GPR39: variants seen among roughly 807,000 people sequenced by gnomAD.
GPR39 encodes G protein-coupled receptor 39.
GPR39 carries 23 observed loss-of-function variants against 18.4 expected under a neutral mutation model. The observed-to-expected ratio is 1.25, with a 90% CI of 0.90 to 1.77. The LOEUF is 1.77. GPR39 is among the 40% of genes most tolerant of loss of function. GPR39 has a pLI of 0.00. For synonymous variants in GPR39, 280 were observed against 257.9 expected (o/e 1.09, Z -0.82); for missense variants, 647 against 602.4 (o/e 1.07, Z -0.78).
chr2:132,645,585 T>C lies in GPR39; in HGVS notation c.1341T>C (p.Gly447=). ...CAGCCAATTCTGCTGCAGAGAATGG[T>C]TTTCAGGAGCATGAAGTTTGAATGT... ...AKPANSAAEN[G]FQEHEV Residue 447 remains glycine, a synonymous_variant, in exon 2 of 2, where the codon GGT becomes GGC. Transcript: ENST00000329321. The C allele has an allele frequency of 6.2e-7, 1 of 1,612,240 alleles. No homozygotes were observed. The highest frequency in any genetic ancestry group is 8.5e-7 in the Non-Finnish European group (1 of 1,179,294).
intron 1 of GPR39, among the ~76,000 whole-genome samples, chr2:132,451,691 G>A (rs566883325): frequency 6.6e-6 from 1 of 151,930 alleles, no homozygotes; most frequent in African/African-American, 2.4e-5. Flanking sequence ...ATTTACCTTT[G>A]GGCTGTTAAA....
chr2:132,575,052 C>T (rs1388825685), intron 1 of GPR39, among the ~76,000 whole-genome samples: 1 of 151,902 alleles, frequency 6.6e-6, no homozygotes, highest in East Asian at 1.9e-4. Context: ...TTTTCATATT[C>T]CCTTTTTATA....
intron 1 of GPR39, among the ~76,000 whole-genome samples, chr2:132,545,759 G>A (rs1679937554): frequency 6.6e-6 from 1 of 151,610 alleles, no homozygotes; most frequent in Admixed American, 6.6e-5. Context: ...TTGCTAAAAG[G>A]CAGAATCAGA....
intron 1 of GPR39, among the ~76,000 whole-genome samples, chr2:132,537,665 CTT>C (rs1417965351): frequency 1.3e-5 from 2 of 152,104 alleles, no homozygotes. Flanking sequence ...TTCTCTCCAT[CTT>C]TTTCAGGTAC....
intron 1 of GPR39, among the ~76,000 whole-genome samples, chr2:132,459,358 T>C (rs1281817877): frequency 6.6e-6 from 1 of 152,232 alleles, no homozygotes; most frequent in African/African-American, 2.4e-5. Context: ...CCAACTCTCC[T>C]GATTCTCCAG....
intron 1 of GPR39, among the ~76,000 whole-genome samples, chr2:132,513,753 C>T (rs1427151542): frequency 6.6e-6 from 1 of 152,172 alleles, no homozygotes; most frequent in Non-Finnish European, 1.5e-5. Context: ...CTCTGGCCCC[C>T]CGAGTGGGAG....
At chr2:132,569,640 G>T (rs1238514206) in intron 1 of GPR39, among the ~76,000 whole-genome samples, 2 of 151,726 alleles carry the variant, frequency 1.3e-5, no homozygotes, top group African/African-American at 2.4e-5. Flanking sequence ...GGGGTGGGGG[G>T]GGTCCCATCG....
At chr2:132,478,990 G>A (rs779735637) in intron 1 of GPR39, among the ~76,000 whole-genome samples, 25 of 151,544 alleles carry the variant, frequency 1.6e-4, no homozygotes, top group Non-Finnish European at 2.9e-5. Context: ...GAATTAAGAT[G>A]AGTTTGGACG....
chr2:132,584,805 C>T lies in GPR39; in HGVS notation c.857-60296C>T, dbSNP rs534910358. The stretch of plus-strand genomic sequence containing the variant: ...TGTCTATTAGACGATTACCAGTGTT[C>T]GCTCCCCCAAACTGGAATAAGCCTC... On this transcript the variant is annotated intron_variant, in intron 1 of 1. Coordinates refer to ENST00000329321, the MANE Select transcript of GPR39 (RefSeq NM_001508.3). Among the ~76,000 whole-genome samples, 18 of 152,286 alleles carry T rather than the reference C, an allele frequency of 1.2e-4. 1 individual carries two copies. The South Asian group carries it at 1.2e-3, about 11-fold the overall frequency.
At chr2:132,503,523 T>C (rs1679083123) in intron 1 of GPR39, among the ~76,000 whole-genome samples, 1 of 152,180 alleles carries the variant, frequency 6.6e-6, no homozygotes, top group Non-Finnish European at 1.5e-5. Flanking sequence ...TTTTATTTAG[T>C]GCACTGGTTT....
chr2:132,521,808 TC>T (rs559912303), intron 1 of GPR39, among the ~76,000 whole-genome samples: 27 of 152,316 alleles, frequency 1.8e-4, no homozygotes, highest in African/African-American at 6.5e-4. Context: ...GCTCTCCAAT[TC>T]TTCATTTCCA....
chr2:132,545,298 A>G (rs976540735), intron 1 of GPR39, among the ~76,000 whole-genome samples: 1 of 152,306 alleles, frequency 6.6e-6, no homozygotes, highest in Admixed American at 6.5e-5. Flanking sequence ...CTTTCCAGAG[A>G]GGGTGAGAAA....
intron 1 of GPR39, among the ~76,000 whole-genome samples, chr2:132,504,217 T>G (rs1679097082): frequency 6.6e-6 from 1 of 152,196 alleles, no homozygotes; most frequent in African/African-American, 2.4e-5. Flanking sequence ...TGCAAGCTAG[T>G]CTTTCTTCCT....
At position 132,552,833 on chromosome 2, in the gene GPR39, C is replaced by CAT. The variant is rs57116386; in HGVS notation, c.857-92256_857-92255dup. 1.0e-3 allele frequency among the ~76,000 whole-genome samples: 140 copies of CAT among 139,892 alleles called. 1 individual carries two copies. Among genetic ancestry groups the CAT allele is most frequent in the African/African-American group, 3.2e-3 (123 of 37,882 alleles). 91.8% of individuals were successfully genotyped at this position (139,892 alleles called of 152,430 possible). A position where few individuals can be genotyped will look rare whatever the true frequency, so the allele number is the denominator to read the frequency against. ...GTGTGTGTGTGTATGTATATATATACATATATATATATACACACATATATA... is the reference window on the plus strand; with the variant it reads ...GTGTGTGTGTGTATGTATATATATACATATATATATATATACACACATATATA... On this transcript the variant is annotated intron_variant, in intron 1 of 1. Coordinates refer to ENST00000329321, the MANE Select transcript of GPR39 (RefSeq NM_001508.3).
At chr2:132,543,290 G>A (rs1290390785) in intron 1 of GPR39, among the ~76,000 whole-genome samples, 2 of 152,110 alleles carry the variant, frequency 1.3e-5, no homozygotes, top group Non-Finnish European at 2.9e-5. Context: ...GTGCTTTCAG[G>A]CCCTTAGACT....
At chr2:132,539,694 T>C (rs944313249) in intron 1 of GPR39, among the ~76,000 whole-genome samples, 3 of 152,146 alleles carry the variant, frequency 2.0e-5, no homozygotes, top group African/African-American at 7.2e-5. Context: ...CTCTGATCCA[T>C]GGGAACTTAG....
intron 1 of GPR39, among the ~76,000 whole-genome samples, chr2:132,516,654 G>C (rs1282818963): frequency 6.6e-6 from 1 of 152,128 alleles, no homozygotes; most frequent in African/African-American, 2.4e-5. Flanking sequence ...TGTACCTACA[G>C]TTACCTCCTA....
intron 1 of GPR39, among the ~76,000 whole-genome samples, chr2:132,624,864 G>A (rs188998315): frequency 5.6e-4 from 85 of 152,224 alleles, no homozygotes; most frequent in African/African-American, 1.7e-3. Flanking sequence ...GTTCCCAGTC[G>A]GGGATCAATA....
At chr2:132,610,240 A>G (rs1406892093) in intron 1 of GPR39, among the ~76,000 whole-genome samples, 1 of 152,090 alleles carries the variant, frequency 6.6e-6, no homozygotes, top group African/African-American at 2.4e-5. Context: ...CTTTTGTTCA[A>G]TGCTAACTGG....
Sources: gnomAD v4.1 joint callset for allele counts (sites outside exome capture counted in the v4.1 genomes callset) on GRCh38, gnomAD v4.1.1 for gene constraint, MANE v1.5 for transcripts, NCBI Gene and HGNC (gene_info 2026-07-23, HGNC 2026-07-21) for gene names.